The following RYR3 variants were observed in gnomAD, a reference collection of about 807,000 sequenced individuals.
RYR3 encodes brain ryanodine receptor-calcium release channel.
RYR3 carries 207 observed loss-of-function variants against 584.3 expected under a neutral mutation model. That is an observed-to-expected ratio of 0.35 (90% CI 0.32 to 0.40). The LOEUF is 0.40. RYR3 is among the 10% of genes least tolerant of loss of function. The probability of loss-of-function intolerance (pLI) is 1.00; values close to 1 mark genes in which losing one functional copy is unlikely to be tolerated. For missense variants in RYR3, 5,616 were observed against 6,089.2 expected (o/e 0.92, Z 2.59); for synonymous variants, 2,416 against 2,248.5 (o/e 1.07, Z -2.11).
chr15:33,807,609 A>G (rs995082178), intron 70 of RYR3, 40 bp downstream of exon 70: 5 of 1,546,602 alleles, frequency 3.2e-6, no homozygotes, highest in Admixed American at 3.9e-5. Flanking sequence ...CTGTCCTAGT[A>G]TTAGAGGTGC....
At chr15:33,450,576 C>T (rs1194699152) in intron 1 of RYR3, among the ~76,000 whole-genome samples, 1 of 151,790 alleles carries the variant, frequency 6.6e-6, no homozygotes, top group Non-Finnish European at 1.5e-5. Flanking sequence ...CTCCTTGCAC[C>T]CTCTGTTCTT....
intron 1 of RYR3, among the ~76,000 whole-genome samples, chr15:33,433,264 T>C (rs1006808765): frequency 1.1e-4 from 16 of 152,166 alleles, no homozygotes; most frequent in Admixed American, 6.5e-5. Context: ...AAAGTCATTG[T>C]TATAGAAGAG....
At chr15:33,618,881 G>A (rs959622180) in intron 19 of RYR3, among the ~76,000 whole-genome samples, 1 of 152,058 alleles carries the variant, frequency 6.6e-6, no homozygotes, top group African/African-American at 2.4e-5. Flanking sequence ...TTCAAATCTG[G>A]GAATTTGTAG....
intron 14 of RYR3, among the ~76,000 whole-genome samples, chr15:33,584,098 C>T (rs1477369320): frequency 6.6e-6 from 1 of 151,126 alleles, no homozygotes; most frequent in Non-Finnish European, 1.5e-5. Flanking sequence ...ATTAGCTGGG[C>T]ATGGTGGTGC....
rs559782810 is a variant in RYR3 at position 33,589,140 on chromosome 15, A to T, written c.1788+3024A>T. ...CATTTATTATGTTTTAATCTTTTCA[A>T]TAATGGCCATCCTGACTAGTGTTAA... is the stretch of plus-strand genomic sequence containing the variant. On this transcript the variant is annotated intron_variant, in intron 16 of 103. Coordinates refer to ENST00000634891, the MANE Select transcript of RYR3 (RefSeq NM_001036.6). 1.2e-4 allele frequency among the ~76,000 whole-genome samples: 18 copies of T among 152,254 alleles called. 1 individual carries two copies. The South Asian group carries it at 3.7e-3, about 32-fold the overall frequency.
Position 33,644,303 on chromosome 15 carries a change from T to G in RYR3, c.3557-8T>G, listed in dbSNP as rs762647005. On this transcript the variant is annotated splice_polypyrimidine_tract_variant and splice_region_variant and intron_variant, in intron 27 of 103. Transcript: ENST00000634891. The stretch of plus-strand genomic sequence containing the variant: ...GGGCTAAAGCAGGTCTCTCTAACTC[T>G]TCTGCAGGCTTCGTGCCCATCTGCT... 1 of 1,604,630 alleles carries G rather than the reference T, an allele frequency of 6.2e-7. No individual in the cohort carries two copies. Among genetic ancestry groups the G allele is most frequent in the South Asian group, 1.1e-5 (1 of 89,014 alleles).
At chr15:33,808,243 G>T (rs1402953202) in intron 70 of RYR3, among the ~76,000 whole-genome samples, 2 of 152,186 alleles carry the variant, frequency 1.3e-5, no homozygotes. Context: ...TAGCTCAGAG[G>T]CTTACTTGCT....
intron 44 of RYR3, among the ~76,000 whole-genome samples, chr15:33,723,129 C>G (rs1426286011): frequency 6.6e-6 from 1 of 152,252 alleles, no homozygotes; most frequent in Non-Finnish European, 1.5e-5. Context: ...AGCTGGAAAT[C>G]ACAAAGTGGG....
intron 1 of RYR3, among the ~76,000 whole-genome samples, chr15:33,364,372 T>G (rs1382943082): frequency 6.6e-6 from 1 of 152,248 alleles, no homozygotes; most frequent in East Asian, 1.9e-4. Context: ...TACTTTAAAA[T>G]AAGTGATTAT....
At chr15:33,797,045 CTAAA>C (rs1175301264) in intron 67 of RYR3, among the ~76,000 whole-genome samples, 1 of 152,116 alleles carries the variant, frequency 6.6e-6, no homozygotes, top group African/African-American at 2.4e-5. Flanking sequence ...TTAGTGGGAG[CTAAA>C]TAATGTGTCC....
intron 16 of RYR3, among the ~76,000 whole-genome samples, chr15:33,598,735 T>C (rs1036790881): frequency 1.4e-5 from 2 of 145,568 alleles, no homozygotes; most frequent in Non-Finnish European, 3.0e-5. Context: ...TGCCTTCCTG[T>C]TGGAAGCAAG....
At chr15:33,446,835 G>A (rs180826331) in intron 1 of RYR3, among the ~76,000 whole-genome samples, 25 of 152,314 alleles carry the variant, frequency 1.6e-4, no homozygotes, top group Non-Finnish European at 3.2e-4. Flanking sequence ...GCACTTTAGT[G>A]TCATTAACAG....
intron 1 of RYR3, among the ~76,000 whole-genome samples, chr15:33,461,045 C>A (rs536686496): frequency 4.7e-5 from 7 of 148,996 alleles, no homozygotes; most frequent in African/African-American, 1.8e-4. Context: ...CCCGGGTTCA[C>A]GCCATTCTCC....
rs907959008 is a variant in RYR3, at chr15:33,859,432, C to G, written c.14143-143C>G. On this transcript the variant is annotated intron_variant, in intron 99 of 103. Coordinates refer to ENST00000634891, the MANE Select transcript of RYR3 (RefSeq NM_001036.6). ...GGGTGCAGTGGACAGCAGCTAGCAG[C>G]ATGAATACTGGCACCTCTGAAGAGT... is the stretch of plus-strand genomic sequence containing the variant. 12 of 763,554 alleles carry G rather than the reference C, an allele frequency of 1.6e-5. No individual in the cohort carries two copies. The East Asian group carries it at 3.1e-4, about 20-fold the overall frequency. The allele number at this position is 763,554 out of a possible 1,614,324, so 47.3% of individuals were successfully genotyped here. A position where few individuals can be genotyped will look rare whatever the true frequency, so the allele number is the denominator to read the frequency against.
In RYR3 at chr15:33,662,222, C is replaced by T. The variant is rs368338031; in HGVS notation, c.4692C>T (p.Leu1564=). ...LMRFHYHTLR[L]YSAVCALGNS... ...GGTTCCATTACCACACGCTGAGGCT[C>T]TACAGCGCGGTGTGCGCCCTGGGAA... The change falls in exon 35 of 104, where the codon CTC becomes CTT. Residue 1564 remains leucine (L), a synonymous_variant. Transcript: ENST00000634891. 3.2e-4 allele frequency: 515 copies of T among 1,608,826 alleles called. 7 individuals carry two copies. The South Asian group carries it at 5.5e-3, about 17-fold the overall frequency.
chr15:33,734,872 G>A (rs530654430), intron 48 of RYR3, among the ~76,000 whole-genome samples: 2 of 151,708 alleles, frequency 1.3e-5, no homozygotes, highest in East Asian at 3.9e-4. Context: ...TGTATTTTTA[G>A]TAGAAAAAGG....
intron 3 of RYR3, among the ~76,000 whole-genome samples, chr15:33,508,268 T>C (rs1043245409): frequency 6.6e-6 from 1 of 152,174 alleles, no homozygotes; most frequent in African/African-American, 2.4e-5. Flanking sequence ...CACATGAACA[T>C]GACACTTTAT....
chr15:33,823,453 T>A (rs1043916471), intron 81 of RYR3, among the ~76,000 whole-genome samples: 1 of 152,238 alleles, frequency 6.6e-6, no homozygotes, highest in African/African-American at 2.4e-5. Context: ...TTCCTGACTA[T>A]GATTCAGGGC....
At position 33,756,394 on chromosome 15, in the gene RYR3, T is replaced by G. The variant is rs771557617; in HGVS notation, c.8583+21T>G. 7.9e-6 allele frequency: 12 copies of G among 1,523,872 alleles called. No homozygotes were observed. In the South Asian group the frequency reaches 1.3e-4, roughly 17 times the overall value. 94.4% of individuals were successfully genotyped at this position (1,523,872 alleles called of 1,614,324 possible). On this transcript the variant is annotated intron_variant, in intron 59 of 103. Transcript: ENST00000634891. ...CCAAAGTAAGTGGCCCTGCACTTAA[T>G]CAAATTACTTTCTTCTTAGGATCTC... is the stretch of plus-strand genomic sequence containing the variant.
Sources: allele counts gnomAD v4.1 joint callset (sites outside exome capture counted in the v4.1 genomes callset), GRCh38; gene constraint gnomAD v4.1.1; transcripts MANE v1.5; gene names NCBI Gene and HGNC (gene_info 2026-07-23, HGNC 2026-07-21).